RHEX: variants seen among roughly 807,000 people sequenced by gnomAD.
The protein encoded by RHEX is regulator of hemoglobinization and erythroid cell expansion, also known as regulator of hemoglobinization and erythroid cell expansion protein.
In RHEX, 18 loss-of-function variants were observed where a neutral mutation model predicts 20.1. The ratio of observed to expected loss-of-function variants is 0.90; its 90% CI spans 0.62 to 1.33. The LOEUF is 1.33. Ranked by LOEUF, RHEX falls within the 40% of genes most tolerant of loss-of-function variation. RHEX has a pLI of 0.00. For missense variants in RHEX, 192 were observed against 214.3 expected (o/e 0.90, Z 0.65); for synonymous variants, 87 against 77.1 (o/e 1.13, Z -0.67).
At chr1:206,086,486 A>AT (rs2102322457) in intron 1 of RHEX, among the ~76,000 whole-genome samples, 2 of 152,034 alleles carry the variant, frequency 1.3e-5, no homozygotes, top group African/African-American at 4.8e-5. Context: ...CCCGGCCAGC[A>AT]TTTTCAATAC....
At chr1:206,064,205 C>G (rs189876322) in intron 1 of RHEX, among the ~76,000 whole-genome samples, 1 of 146,064 alleles carries the variant, frequency 6.8e-6, no homozygotes, top group Non-Finnish European at 1.5e-5. Context: ...GCAGCCGCCC[C>G]GTCTGGGAAG....
Position 206,099,720 on chromosome 1 carries a change from C to T in RHEX, c.178C>T (p.His60Tyr), listed in dbSNP as rs1553288159. The T allele has an allele frequency of 2.5e-6, 4 of 1,614,026 alleles. No homozygotes were observed. In the South Asian group the frequency reaches 3.3e-5, roughly 13 times the overall value. ...LQVPRPSPGH[H>Y]HPPAVKEMKE... ...GGTTCCCAGGCCCAGCCCTGGCCAC[C>T]ATCATCCACCTGCTGTCAAAGAGAT... The change falls in exon 4 of 6, where the codon CAT becomes TAT. Residue 60 changes from histidine to tyrosine, a missense_variant. Coordinates refer to ENST00000331555, the MANE Select transcript of RHEX (RefSeq NM_001007544.4).
rs117306722 is a variant in RHEX, at chr1:206,058,125, G to T, written c.-97+4860G>T. Among the ~76,000 whole-genome samples the T allele has an allele frequency of 4.5e-3, 692 of 152,202 alleles. 14 individuals are homozygous for T. In the East Asian group the frequency reaches 0.11, roughly 24 times the overall value. On this transcript the variant is annotated intron_variant, in intron 1 of 5. Coordinates refer to ENST00000331555, the MANE Select transcript of RHEX (RefSeq NM_001007544.4). Reference sequence around the variant, plus strand: ...TAACAAAACTGGCACATGCACCTGTGCAAGTGTGGCACGGACTCAATCTGG... The same window carrying T: ...TAACAAAACTGGCACATGCACCTGTTCAAGTGTGGCACGGACTCAATCTGG...
intron 1 of RHEX, among the ~76,000 whole-genome samples, chr1:206,084,008 A>C (rs890244275): frequency 3.3e-4 from 50 of 152,352 alleles, no homozygotes; most frequent in African/African-American, 1.1e-3. Flanking sequence ...CCCACCTTAC[A>C]GGGTTGCTAC....
chr1:206,094,240 C>T (rs1230660214), intron 1 of RHEX, among the ~76,000 whole-genome samples: 1 of 151,724 alleles, frequency 6.6e-6, no homozygotes, highest in Non-Finnish European at 1.5e-5. Context: ...TGCTGATTGT[C>T]TGATCAGCAG....
chr1:206,066,245 C>T (rs1662420808), intron 1 of RHEX, among the ~76,000 whole-genome samples: 1 of 152,196 alleles, frequency 6.6e-6, no homozygotes, highest in Admixed American at 6.5e-5. Flanking sequence ...TAGACATTCC[C>T]CTAATTTATA....
intron 1 of RHEX, among the ~76,000 whole-genome samples, chr1:206,085,284 C>G (rs1364835404): frequency 2.0e-5 from 3 of 152,124 alleles, no homozygotes; most frequent in African/African-American, 7.2e-5. Context: ...TTTTTACGTA[C>G]TGTGCTATGA....
intron 1 of RHEX, among the ~76,000 whole-genome samples, chr1:206,058,311 G>A (rs537779943): frequency 2.8e-4 from 43 of 152,314 alleles, no homozygotes; most frequent in Non-Finnish European, 1.3e-4. Flanking sequence ...TCACCAAAAT[G>A]CTTCAGCACA....
rs138452246 is a variant in RHEX, at chr1:206,098,114, G to A, written c.45G>A (p.Ala15=). The A allele has an allele frequency of 5.7e-5, 92 of 1,613,934 alleles. No homozygotes were observed. Among genetic ancestry groups the A allele is most frequent in the Non-Finnish European group, 7.4e-5 (87 of 1,179,976 alleles). The change falls in exon 3 of 6, where the codon GCG becomes GCA. Residue 15 remains alanine, a synonymous_variant. Coordinates refer to ENST00000331555, the MANE Select transcript of RHEX (RefSeq NM_001007544.4). The stretch of plus-strand genomic sequence containing the variant: ...AGGTCTGGCATGGCTTAGTGATCGC[G>A]GTGGTGTCCCTCTTCCTGCAGGCCT... ...VMEVWHGLVI[A]VVSLFLQACF... is the part of the protein sequence containing the mutation.
chr1:206,077,074 G>A (rs536164171), intron 1 of RHEX, among the ~76,000 whole-genome samples: 4 of 152,238 alleles, frequency 2.6e-5, no homozygotes, highest in East Asian at 1.9e-4. Context: ...TACATGCATC[G>A]TGTCCACTCC....
At chr1:206,098,322 C>T (rs900258425) in intron 3 of RHEX, 141 bp downstream of exon 3, 13 of 626,824 alleles carry the variant, frequency 2.1e-5, no homozygotes, top group Non-Finnish European at 3.2e-5. Context: ...TCCTTCCCAC[C>T]GCTCCCCCTC....
At chr1:206,100,166 C>T (rs1553288226) in intron 4 of RHEX, among the ~76,000 whole-genome samples, 2 of 152,222 alleles carry the variant, frequency 1.3e-5, no homozygotes, top group African/African-American at 4.8e-5. Flanking sequence ...TCCACCGTGG[C>T]TGCTGCTATG....
chr1:206,062,237 C>A (rs1042814966), intron 1 of RHEX: 41 of 152,266 alleles, frequency 2.7e-4, no homozygotes, highest in African/African-American at 9.6e-4. Context: ...AAAAATAAAA[C>A]GTAAAACATA....
intron 1 of RHEX, among the ~76,000 whole-genome samples, chr1:206,090,354 C>T (rs532014430): frequency 8.2e-4 from 125 of 151,964 alleles, no homozygotes; most frequent in Admixed American, 8.1e-3. Context: ...TACAGGTGCC[C>T]ACCACCTCAC....
chr1:206,053,622 G>A, intron 1 of RHEX, among the ~76,000 whole-genome samples: 1 of 152,302 alleles, frequency 6.6e-6, no homozygotes. Context: ...AGAATTTAAG[G>A]GAGATTACAG....
At chr1:206,094,585 A>G (rs2102327526) in intron 1 of RHEX, among the ~76,000 whole-genome samples, 1 of 152,246 alleles carries the variant, frequency 6.6e-6, no homozygotes, top group East Asian at 1.9e-4. Flanking sequence ...CACTTTATAG[A>G]TACTGAAATT....
chr1:206,074,096 T>C (rs1553284951), intron 1 of RHEX, among the ~76,000 whole-genome samples: 1 of 152,198 alleles, frequency 6.6e-6, no homozygotes, highest in African/African-American at 2.4e-5. Flanking sequence ...CTCATGGGAC[T>C]TTCTGCTCTT....
chr1:206,064,766 C>T (rs1201773630), intron 1 of RHEX, among the ~76,000 whole-genome samples: 7 of 152,176 alleles, frequency 4.6e-5, no homozygotes, highest in South Asian at 2.1e-4. Context: ...ACCGCCCCGT[C>T]TGGGAGGTGT....
intron 1 of RHEX, among the ~76,000 whole-genome samples, chr1:206,070,352 A>G (rs1313775478): frequency 6.6e-6 from 1 of 152,164 alleles, no homozygotes; most frequent in Admixed American, 6.5e-5. Context: ...CTGCTTTTCC[A>G]GAAGATTCTC....
Sources: gnomAD v4.1 joint callset for allele counts (sites outside exome capture counted in the v4.1 genomes callset) on GRCh38, gnomAD v4.1.1 for gene constraint, MANE v1.5 for transcripts, NCBI Gene and HGNC (gene_info 2026-07-23, HGNC 2026-07-21) for gene names.